Variants in TAF4B observed in about 807,000 individuals in gnomAD.
The protein encoded by TAF4B is transcription initiation factor TFIID subunit 4B.
A neutral mutation model predicts 86.4 loss-of-function variants in TAF4B; 38 were observed. The observed-to-expected ratio is 0.44, with a 90% CI of 0.34 to 0.58. The LOEUF (loss-of-function observed/expected upper bound fraction) is 0.58. Ranked by LOEUF, TAF4B falls within the 20% of genes least tolerant of loss-of-function variation. The pLI is 0.02. For missense variants in TAF4B, 988 were observed against 1,027.6 expected, an observed-to-expected ratio of 0.96 and a Z score of 0.53; for synonymous variants, 388 against 391.2, an observed-to-expected ratio of 0.99 and a Z score of 0.10.
intron 1 of TAF4B, among the ~76,000 whole-genome samples, chr18:26,258,570 G>A (rs2056119227): frequency 6.6e-6 from 1 of 152,162 alleles, no homozygotes; most frequent in South Asian, 2.1e-4. Context: ...ATAATTACCA[G>A]TGCTCTTTGT....
intron 3 of TAF4B, among the ~76,000 whole-genome samples, chr18:26,268,048 G>A (rs867645984): frequency 1.3e-5 from 2 of 152,152 alleles, no homozygotes; most frequent in Admixed American, 6.5e-5. Context: ...TCCCACTATG[G>A]GTTAACATGG....
At chr18:26,367,277 A>G (rs1018525258) in intron 14 of TAF4B, among the ~76,000 whole-genome samples, 2 of 152,226 alleles carry the variant, frequency 1.3e-5, no homozygotes, top group Admixed American at 6.5e-5. Context: ...AGTTGGTGGT[A>G]TAATTCAGTC....
chr18:26,309,960 G>A (rs2056837288), intron 9 of TAF4B, among the ~76,000 whole-genome samples: 1 of 152,166 alleles, frequency 6.6e-6, no homozygotes, highest in South Asian at 2.1e-4. Flanking sequence ...GAGTAGCTGG[G>A]ATTAGAGGCA....
intron 13 of TAF4B, among the ~76,000 whole-genome samples, chr18:26,341,373 T>A (rs2057133745): frequency 6.6e-6 from 1 of 152,116 alleles, no homozygotes; most frequent in Non-Finnish European, 1.5e-5. Context: ...ACCATGAATA[T>A]GTTCTTTCTT....
chr18:26,232,515 G>A (rs1047450232), intron 1 of TAF4B, among the ~76,000 whole-genome samples: 1 of 152,166 alleles, frequency 6.6e-6, no homozygotes, highest in Non-Finnish European at 1.5e-5. Flanking sequence ...GCCTGAAGGC[G>A]AGTAATAGCA....
chr18:26,353,212 T>C lies in TAF4B; in HGVS notation c.2317-4478T>C, dbSNP rs189409162. Reference sequence around the variant, plus strand: ...AATCAAATCTACTTTAGATTTGATATAAAAAGAATGTATTGATCTTGACAT... The same window carrying C: ...AATCAAATCTACTTTAGATTTGATACAAAAAGAATGTATTGATCTTGACAT... On this transcript the variant is annotated intron_variant, in intron 13 of 14. Coordinates refer to ENST00000269142, the MANE Select transcript of TAF4B (RefSeq NM_005640.3). Among the ~76,000 whole-genome samples the C allele has an allele frequency of 7.9e-4, 121 of 152,262 alleles. No homozygotes were observed. In the Middle Eastern group the frequency reaches 0.01, roughly 13 times the overall value.
chr18:26,329,447 T>G (rs2057034276), intron 12 of TAF4B, among the ~76,000 whole-genome samples: 1 of 152,242 alleles, frequency 6.6e-6, no homozygotes, highest in Non-Finnish European at 1.5e-5. Flanking sequence ...TATCATCTAA[T>G]GCACAGCACC....
intron 9 of TAF4B, among the ~76,000 whole-genome samples, chr18:26,302,358 A>G (rs1268765970): frequency 7.0e-6 from 1 of 142,190 alleles, no homozygotes; most frequent in East Asian, 2.1e-4. Context: ...AAAGTTTTGA[A>G]GTTTCATATT....
intron 1 of TAF4B, among the ~76,000 whole-genome samples, chr18:26,235,734 A>T (rs28754918): frequency 0.31 from 47,815 of 152,094 alleles, 13,199 homozygotes; most frequent in African/African-American, 0.75. Context: ...GTGCAGAAGA[A>T]GGCATCCTTG....
intron 9 of TAF4B, among the ~76,000 whole-genome samples, chr18:26,294,677 TA>T (rs550984929): frequency 5.3e-5 from 8 of 149,626 alleles, no homozygotes; most frequent in African/African-American, 9.7e-5. Flanking sequence ...ATATTTATAT[TA>T]AAAATATGTA....
chr18:26,288,052 G>A (rs2056546674), intron 7 of TAF4B, among the ~76,000 whole-genome samples: 1 of 152,144 alleles, frequency 6.6e-6, no homozygotes, highest in Non-Finnish European at 1.5e-5. Flanking sequence ...ATTGTTCTGG[G>A]CAGCCAGGTT....
At position 26,292,390 on chromosome 18, in the gene TAF4B, T is replaced by C; in HGVS notation, c.1726+9T>C. 6.2e-7 allele frequency: 1 copy of C among 1,609,496 alleles called. No individual in the cohort carries two copies. The highest frequency in any genetic ancestry group is 8.5e-7 in the Non-Finnish European group (1 of 1,178,382). ...TAGTCAGTTTCCTCCAGGTAGATGCTGGTCCATCTCAGTCCCATCATGCTG... is the reference window on the plus strand; with the variant it reads ...TAGTCAGTTTCCTCCAGGTAGATGCCGGTCCATCTCAGTCCCATCATGCTG... On this transcript the variant is annotated intron_variant, in intron 8 of 14. Transcript: ENST00000269142.
At chr18:26,331,275 CTAGTT>C (rs1425100107) in intron 12 of TAF4B, among the ~76,000 whole-genome samples, 1 of 152,178 alleles carries the variant, frequency 6.6e-6, no homozygotes, top group Non-Finnish European at 1.5e-5. Context: ...CTATTAAATA[CTAGTT>C]TAGTTATTAT....
intron 1 of TAF4B, among the ~76,000 whole-genome samples, chr18:26,235,207 A>G (rs1474402253): frequency 6.6e-6 from 1 of 152,136 alleles, no homozygotes; most frequent in Non-Finnish European, 1.5e-5. Flanking sequence ...TCTACTAGAT[A>G]CAGTATTTGC....
intron 9 of TAF4B, among the ~76,000 whole-genome samples, chr18:26,294,832 C>G (rs1473983656): frequency 6.7e-6 from 1 of 149,984 alleles, no homozygotes; most frequent in Non-Finnish European, 1.5e-5. Flanking sequence ...AAAGGGCAAG[C>G]CTGAAACGAG....
At chr18:26,263,984 G>T (rs957213173) in intron 1 of TAF4B, among the ~76,000 whole-genome samples, 3 of 152,138 alleles carry the variant, frequency 2.0e-5, no homozygotes, top group Admixed American at 2.0e-4. Flanking sequence ...CATCTGAAAG[G>T]TCTACCCAAA....
In TAF4B at chr18:26,324,422, ATCT is replaced by A. The variant is rs2056988143; in HGVS notation, c.2134-2591_2134-2589del. 5.3e-5 allele frequency among the ~76,000 whole-genome samples: 8 copies of A among 152,328 alleles called. No individual in the cohort carries two copies. In the South Asian group the frequency reaches 1.7e-3, roughly 32 times the overall value. ...TCACCATGCCTGGCCACGTGAGTAC[ATCT>A]TGATTTATAGTAGGCAGTTTCTGTA... is the stretch of plus-strand genomic sequence containing the variant. On this transcript the variant is annotated intron_variant, in intron 11 of 14. Transcript: ENST00000269142.
intron 1 of TAF4B, chr18:26,256,318 C>G: frequency 6.9e-7 from 1 of 1,453,320 alleles, no homozygotes; most frequent in South Asian, 1.1e-5. Flanking sequence ...CAGCAGCCCT[C>G]TATACTTCGG....
In TAF4B at chr18:26,286,425, A is replaced by G; in HGVS notation, c.1516A>G (p.Ile506Val). 2 of 1,614,164 alleles carry G rather than the reference A, an allele frequency of 1.2e-6. No individual in the cohort carries two copies. The highest frequency in any genetic ancestry group is 1.7e-6 in the Non-Finnish European group (2 of 1,180,040). The change falls in exon 7 of 15, where the codon ATC (isoleucine) becomes GTC (valine). Residue 506 changes from isoleucine (I) to valine (V), a missense_variant. Ile to Val is a conservative substitution (Grantham distance 29, BLOSUM62 3). Transcript: ENST00000269142. Reference protein sequence around the residue: ...DKPVIGTPVQIKLAQPGPVLS... With the variant: ...DKPVIGTPVQVKLAQPGPVLS... ...GCCTGTTATTGGGACTCCAGTTCAA[A>G]TCAAACTTGCCCAGCCGGGCCCTGT...
Sources: allele counts gnomAD v4.1 joint callset (sites outside exome capture counted in the v4.1 genomes callset), GRCh38; gene constraint gnomAD v4.1.1; transcripts MANE v1.5; gene names NCBI Gene and HGNC (gene_info 2026-07-23, HGNC 2026-07-21).